Variants in CACNA2D1 observed in about 807,000 individuals in gnomAD.
CACNA2D1 encodes voltage-dependent calcium channel subunit alpha-2/delta-1.
A neutral mutation model predicts 171.5 loss-of-function variants in CACNA2D1; 53 were observed. That is an observed-to-expected ratio of 0.31 (90% CI 0.25 to 0.39). The LOEUF (loss-of-function observed/expected upper bound fraction) is 0.39, where lower values mean the gene tolerates loss of function less well. CACNA2D1 is among the 10% of genes least tolerant of loss of function. CACNA2D1 has a pLI of 1.00. For synonymous variants in CACNA2D1, 442 were observed against 443.1 expected, an observed-to-expected ratio of 1.00 and a Z score of 0.03; for missense variants, 903 against 1,299.8, an observed-to-expected ratio of 0.69 and a Z score of 4.69.
chr7:82,232,900 T>G (rs942442040), intron 3 of CACNA2D1, among the ~76,000 whole-genome samples: 49 of 139,084 alleles, frequency 3.5e-4, no homozygotes, highest in African/African-American at 1.3e-3. Context: ...AAAGACTTGC[T>G]TGAGGTCACA....
At chr7:82,311,883 T>TA (rs1298307957) in intron 3 of CACNA2D1, among the ~76,000 whole-genome samples, 6 of 152,098 alleles carry the variant, frequency 3.9e-5, no homozygotes, top group African/African-American at 1.4e-4. Context: ...ACAGTTCCCT[T>TA]AAAAAATTCC....
chr7:81,995,371 C>T (rs1371691735), intron 19 of CACNA2D1, among the ~76,000 whole-genome samples: 1 of 152,092 alleles, frequency 6.6e-6, no homozygotes, highest in African/African-American at 2.4e-5. Flanking sequence ...ACTCTTTACA[C>T]TTTTTAGTTT....
At chr7:82,062,347 C>G (rs1807037773) in intron 9 of CACNA2D1, among the ~76,000 whole-genome samples, 1 of 152,116 alleles carries the variant, frequency 6.6e-6, no homozygotes, top group Non-Finnish European at 1.5e-5. Flanking sequence ...GGCAATTCTT[C>G]CACCTGAAAT....
intron 3 of CACNA2D1, among the ~76,000 whole-genome samples, chr7:82,186,738 C>A (rs1388948428): frequency 4.6e-5 from 7 of 152,018 alleles, no homozygotes; most frequent in African/African-American, 1.7e-4. Flanking sequence ...GAAAAGCAAT[C>A]TAGTAGCAAT....
chr7:82,217,932 T>C (rs1801336345), intron 3 of CACNA2D1, among the ~76,000 whole-genome samples: 1 of 150,816 alleles, frequency 6.6e-6, no homozygotes, highest in Non-Finnish European at 1.5e-5. Flanking sequence ...TTTATTTATT[T>C]ATTTATATTT....
chr7:82,154,127 CAT>C (rs1794121669), intron 4 of CACNA2D1, among the ~76,000 whole-genome samples: 1 of 152,142 alleles, frequency 6.6e-6, no homozygotes, highest in African/African-American at 2.4e-5. Context: ...CCGTGAAAAA[CAT>C]AATGTGTGTA....
At chr7:82,030,370 T>C (rs1383143879) in intron 12 of CACNA2D1, among the ~76,000 whole-genome samples, 4 of 151,266 alleles carry the variant, frequency 2.6e-5, no homozygotes, top group Non-Finnish European at 3.0e-5. Context: ...CAAGACACTA[T>C]GTGTTAATCC....
intron 1 of CACNA2D1, among the ~76,000 whole-genome samples, chr7:82,410,954 AT>A (rs1213642293): frequency 3.3e-5 from 5 of 152,182 alleles, no homozygotes; most frequent in Admixed American, 1.3e-4. Flanking sequence ...CTTCTTTGAT[AT>A]TCATTTGCCT....
At chr7:81,965,546 G>A (rs769258730) in intron 32 of CACNA2D1, 48 bp downstream of exon 32, 1 of 969,216 alleles carries the variant, frequency 1.0e-6, no homozygotes, top group Admixed American at 1.7e-5. Context: ...TGTTGATCCG[G>A]GAAACACACT....
In CACNA2D1 at chr7:81,968,978, A is replaced by C. The variant is rs1794993239; in HGVS notation, c.2309-5T>G. 2 of 1,487,108 alleles carry C rather than the reference A, an allele frequency of 1.3e-6. No individual in the cohort carries two copies. The highest frequency in any genetic ancestry group is 1.4e-5 in the African/African-American group (1 of 72,190). 92.1% of individuals were successfully genotyped at this position (1,487,108 alleles called of 1,614,324 possible). A position where few individuals can be genotyped will look rare whatever the true frequency, so the allele number is the denominator to read the frequency against. ...CATAGGCACCAGGTCCACTTTCTAA[A>C]AAAAAAATAAATAAATAAAACACCT... On this transcript the variant is annotated splice_region_variant and splice_polypyrimidine_tract_variant and intron_variant, in intron 28 of 38. Coordinates refer to ENST00000356860, the MANE Select transcript of CACNA2D1 (RefSeq NM_000722.4).
intron 5 of CACNA2D1, among the ~76,000 whole-genome samples, chr7:82,132,554 C>G (rs1029298911): frequency 6.6e-6 from 1 of 152,114 alleles, no homozygotes; most frequent in Non-Finnish European, 1.5e-5. Context: ...TTGTCACTTG[C>G]CTCTCTCCTC....
intron 3 of CACNA2D1, among the ~76,000 whole-genome samples, chr7:82,244,892 C>A (rs143061806): frequency 6.6e-6 from 1 of 151,982 alleles, no homozygotes; most frequent in Non-Finnish European, 1.5e-5. Flanking sequence ...CCTAACAGTC[C>A]CAACTTTCCA....
Position 81,965,590 on chromosome 7 carries a change from A to C in CACNA2D1, c.2574+4T>G. 2 of 1,501,762 alleles carry C rather than the reference A, an allele frequency of 1.3e-6. No homozygotes were observed. The highest frequency in any genetic ancestry group is 1.9e-6 in the Non-Finnish European group (2 of 1,078,304). The allele number at this position is 1,501,762 out of a possible 1,614,324, so 93.0% of individuals were successfully genotyped here. ...CCTAATTCCCTCTTATTTGAGGTAC[A>C]TACCTGATTAGTATAATCATCATGA... On this transcript the variant is annotated splice_donor_region_variant and intron_variant, in intron 32 of 38. Transcript: ENST00000356860.
intron 6 of CACNA2D1, among the ~76,000 whole-genome samples, chr7:82,095,685 A>T (rs115223466): frequency 0.022 from 3,338 of 152,304 alleles, 125 homozygotes; most frequent in African/African-American, 0.076. Flanking sequence ...TGAATGAAAG[A>T]GTGTGTGAAT....
At chr7:82,119,160 C>T (rs2129055736) in intron 5 of CACNA2D1, among the ~76,000 whole-genome samples, 1 of 152,218 alleles carries the variant, frequency 6.6e-6, no homozygotes, top group East Asian at 1.9e-4. Flanking sequence ...TCCAGTTCTT[C>T]AGAACACATA....
chr7:82,370,572 T>C (rs2190236), intron 1 of CACNA2D1, among the ~76,000 whole-genome samples: 34 of 151,170 alleles, frequency 2.2e-4, no homozygotes, highest in Admixed American at 6.6e-4. Flanking sequence ...GATGGATGGA[T>C]GGATGGATAG....
chr7:82,443,357 C>T lies in CACNA2D1; in HGVS notation c.95+8G>A. The T allele has an allele frequency of 6.2e-7, 1 of 1,600,624 alleles. No homozygotes were observed. The highest frequency in any genetic ancestry group is 8.5e-7 in the Non-Finnish European group (1 of 1,173,914). On this transcript the variant is annotated splice_region_variant and intron_variant, in intron 1 of 38. Coordinates refer to ENST00000356860, the MANE Select transcript of CACNA2D1 (RefSeq NM_000722.4). ...GGCCGGCGCTCCCTGCCCGGCCCGC[C>T]GACTTACGTGACGGCCGAAGGGAAC...
intron 5 of CACNA2D1, among the ~76,000 whole-genome samples, chr7:82,126,594 G>A (rs992027454): frequency 3.3e-5 from 5 of 152,000 alleles, no homozygotes; most frequent in African/African-American, 4.8e-5. Flanking sequence ...CAGTGTTTTC[G>A]AATAAACACA....
chr7:82,112,399 A>AT (rs1278389943), intron 6 of CACNA2D1, among the ~76,000 whole-genome samples: 3 of 152,342 alleles, frequency 2.0e-5, no homozygotes, highest in Middle Eastern at 6.8e-3. Context: ...AATATATTTG[A>AT]TGACGCAGTA....
Sources: gnomAD v4.1 joint callset for allele counts (sites outside exome capture counted in the v4.1 genomes callset) on GRCh38, gnomAD v4.1.1 for gene constraint, MANE v1.5 for transcripts, NCBI Gene and HGNC (gene_info 2026-07-23, HGNC 2026-07-21) for gene names.